Variants in WDPCP observed in about 807,000 individuals in gnomAD.
WDPCP encodes the protein WD repeat-containing and planar cell polarity effector protein fritz homolog.
In WDPCP, 71 loss-of-function variants were observed where a neutral mutation model predicts 93.1. That is an observed-to-expected ratio of 0.76 (90% CI 0.63 to 0.93). The LOEUF (loss-of-function observed/expected upper bound fraction) is 0.93. Among genes scored for constraint, WDPCP ranks in the 40% least tolerant of loss-of-function variants. WDPCP has a pLI of 0.00. For missense variants in WDPCP, 844 were observed against 887.4 expected, an observed-to-expected ratio of 0.95 and a Z score of 0.62; for synonymous variants, 315 against 315.0, an observed-to-expected ratio of 1.00 and a Z score of 0.00.
intron 6 of WDPCP, among the ~76,000 whole-genome samples, chr2:63,466,013 G>A (rs1029221629): frequency 1.3e-5 from 2 of 152,092 alleles, no homozygotes; most frequent in East Asian, 3.9e-4. Flanking sequence ...CCTAGTTTGG[G>A]AACTTTAGGT....
At chr2:63,251,626 G>A (rs759720315) in intron 14 of WDPCP, among the ~76,000 whole-genome samples, 17 of 151,300 alleles carry the variant, frequency 1.1e-4, no homozygotes, top group Non-Finnish European at 1.9e-4. Context: ...CAGGTAGCTG[G>A]GACTACAGTC....
chr2:63,757,202 C>T (rs548765803), intron 2 of WDPCP, among the ~76,000 whole-genome samples: 1 of 152,248 alleles, frequency 6.6e-6, no homozygotes, highest in South Asian at 2.1e-4. Context: ...GCTACAGAGA[C>T]CAATAAGCAA....
chr2:63,627,855 C>A, intron 3 of WDPCP, among the ~76,000 whole-genome samples: 1 of 152,238 alleles, frequency 6.6e-6, no homozygotes, highest in East Asian at 1.9e-4. Flanking sequence ...GCCATGTCTG[C>A]AGATGCTAAA....
At chr2:63,153,441 T>C (rs771480723) in intron 16 of WDPCP, 54 bp downstream of exon 16, 4 of 1,396,448 alleles carry the variant, frequency 2.9e-6, no homozygotes, top group Non-Finnish European at 4.1e-6. Context: ...TTGCAAGCTA[T>C]AACATAGTTT....
chr2:63,579,528 T>G (rs1708350911), intron 1 of WDPCP, among the ~76,000 whole-genome samples: 1 of 152,098 alleles, frequency 6.6e-6, no homozygotes, highest in Non-Finnish European at 1.5e-5. Context: ...GAGAATCACT[T>G]GAACCCAGGA....
intron 1 of WDPCP, among the ~76,000 whole-genome samples, chr2:63,500,329 A>G (rs892901940): frequency 1.3e-5 from 2 of 152,192 alleles, no homozygotes; most frequent in Non-Finnish European, 1.5e-5. Flanking sequence ...CCATTGAGTA[A>G]GATCACAGAA....
chr2:63,599,275 A>T (rs1484264036), intron 3 of WDPCP: 6 of 1,612,702 alleles, frequency 3.7e-6, no homozygotes, highest in Non-Finnish European at 5.1e-6. Flanking sequence ...TTTGGATCAC[A>T]ACCGAGCTAA....
At chr2:63,805,927 C>T (rs1030101057) in intron 2 of WDPCP, among the ~76,000 whole-genome samples, 2 of 151,996 alleles carry the variant, frequency 1.3e-5, no homozygotes, top group Non-Finnish European at 2.9e-5. Flanking sequence ...TGAGACCAGC[C>T]GGGGCAACAT....
intron 2 of WDPCP, among the ~76,000 whole-genome samples, chr2:63,654,309 G>A (rs1710141538): frequency 6.6e-6 from 1 of 152,118 alleles, no homozygotes; most frequent in Non-Finnish European, 1.5e-5. Context: ...TAACATTATG[G>A]TACAAGCAGT....
At chr2:63,759,690 C>T (rs191013033) in intron 2 of WDPCP, among the ~76,000 whole-genome samples, 2 of 152,310 alleles carry the variant, frequency 1.3e-5, no homozygotes, top group African/African-American at 4.8e-5. Context: ...CTGGGTTTCT[C>T]CTCCCACCAA....
chr2:63,668,031 G>A (rs972597484), intron 2 of WDPCP, among the ~76,000 whole-genome samples: 2 of 152,158 alleles, frequency 1.3e-5, no homozygotes, highest in African/African-American at 2.4e-5. Context: ...CTAAGGCAAT[G>A]AGTGCTAATT....
At chr2:63,572,603 T>C (rs1016313152) in intron 1 of WDPCP, among the ~76,000 whole-genome samples, 2 of 146,234 alleles carry the variant, frequency 1.4e-5, no homozygotes, top group Non-Finnish European at 3.0e-5. Context: ...CTCAGGAGGC[T>C]GAGGCAGGAG....
intron 9 of WDPCP, among the ~76,000 whole-genome samples, chr2:63,427,661 C>A (rs758287884): frequency 3.3e-5 from 5 of 152,048 alleles, no homozygotes; most frequent in Admixed American, 6.6e-5. Context: ...TCTAACATTG[C>A]ACCTAGAGGA....
intron 1 of WDPCP, among the ~76,000 whole-genome samples, chr2:63,572,851 T>C (rs544894007): frequency 1.8e-4 from 27 of 151,774 alleles, no homozygotes; most frequent in Non-Finnish European, 3.5e-4. Flanking sequence ...TATTTTGGAG[T>C]GAAAAGTTAT....
In WDPCP at chr2:63,270,514, G is replaced by T. The variant is rs1442487282; in HGVS notation, c.1813-11105C>A. Among the ~76,000 whole-genome samples, 4 of 151,898 alleles carry T rather than the reference G, an allele frequency of 2.6e-5. No individual in the cohort carries two copies. The East Asian group carries it at 7.7e-4, about 29-fold the overall frequency. The stretch of plus-strand genomic sequence containing the variant: ...AGGCTTTCAAGATGGCTAACTAGAG[G>T]CACCAGCACTCACCACCTCCACAAA... On this transcript the variant is annotated intron_variant, in intron 13 of 17. Coordinates refer to ENST00000272321, the MANE Select transcript of WDPCP (RefSeq NM_015910.7).
chr2:63,349,839 A>T (rs533259319), intron 12 of WDPCP, among the ~76,000 whole-genome samples: 1 of 152,266 alleles, frequency 6.6e-6, no homozygotes, highest in South Asian at 2.1e-4. Flanking sequence ...TCTGCTGAAT[A>T]AAAAAATAGC....
At chr2:63,437,805 G>A in intron 7 of WDPCP, 1 of 1,531,728 alleles carries the variant, frequency 6.5e-7, no homozygotes, top group Non-Finnish European at 8.9e-7. Context: ...ACCACCAATG[G>A]ATGAGATGTA....
rs148586212 is a variant in WDPCP, at chr2:63,219,342, G to A, written c.1915+39965C>T. Among the ~76,000 whole-genome samples the A allele has an allele frequency of 1.3e-3, 191 of 152,216 alleles. 1 individual carries two copies. The highest frequency in any genetic ancestry group is 4.3e-3 in the African/African-American group (177 of 41,548). On this transcript the variant is annotated intron_variant, in intron 14 of 17. Coordinates refer to ENST00000272321, the MANE Select transcript of WDPCP (RefSeq NM_015910.7). Reference sequence around the variant, plus strand: ...TAGGTTTTCCCTCATACATACTTCCGGCCTGTCAGTCATGCCTCTCAAATG... The same window carrying A: ...TAGGTTTTCCCTCATACATACTTCCAGCCTGTCAGTCATGCCTCTCAAATG...
Position 63,755,567 on chromosome 2 carries a change from A to ACTTTTTGG in WDPCP, n.308+58054_308+58055insCCAAAAAG, listed in dbSNP as rs1381811065. 7.9e-5 allele frequency among the ~76,000 whole-genome samples: 12 copies of ACTTTTTGG among 152,322 alleles called. No homozygotes were observed. The South Asian group carries it at 2.5e-3, about 32-fold the overall frequency. Reference sequence around the variant, plus strand: ...CAACAAAAGTTGACGTTAGTGAGCAAATTTCTTTATGTACCCAAACCTACA... The same window carrying ACTTTTTGG: ...CAACAAAAGTTGACGTTAGTGAGCAACTTTTTGGATTTCTTTATGTACCCAAACCTACA... On this transcript the variant is annotated intron_variant and non_coding_transcript_variant, in intron 2 of 4. Transcript: ENST00000467687.
Sources: gnomAD v4.1 joint callset for allele counts (sites outside exome capture counted in the v4.1 genomes callset) on GRCh38, gnomAD v4.1.1 for gene constraint, MANE v1.5 for transcripts, NCBI Gene and HGNC (gene_info 2026-07-23, HGNC 2026-07-21) for gene names.